The following NLRP1 variants were observed in gnomAD, a reference collection of about 807,000 sequenced individuals.
NLRP1 encodes NACHT, LRR and PYD domains-containing protein 1.
In NLRP1, 94 loss-of-function variants were observed where a neutral mutation model predicts 136.7. The observed-to-expected ratio is 0.69, with a 90% confidence interval of 0.58 to 0.82. The LOEUF (loss-of-function observed/expected upper bound fraction) is 0.82, where lower values mean the gene tolerates loss of function less well. Among genes scored for constraint, NLRP1 ranks in the 40% least tolerant of loss-of-function variants. NLRP1 has a pLI of 0.00. For synonymous variants in NLRP1, 690 were observed against 725.1 expected (o/e 0.95, Z 0.78); for missense variants, 1,575 against 1,802.7 (o/e 0.87, Z 2.29).
intron 12 of NLRP1, chr17:5,530,180 A>T (rs1910061534): frequency 6.1e-6 from 3 of 493,600 alleles, no homozygotes; most frequent in South Asian, 5.0e-5. Context: ...CAAAAATCTC[A>T]ACTGAGCATA....
chr17:5,556,621 C>T (rs1249509045), intron 4 of NLRP1, among the ~76,000 whole-genome samples: 1 of 142,762 alleles, frequency 7.0e-6, no homozygotes, highest in Middle Eastern at 3.3e-3. Flanking sequence ...TACAATTGAC[C>T]ACTAATTTTT....
At chr17:5,521,913 C>G in intron 12 of NLRP1, 127 bp from the exon 13 acceptor site, 1 of 923,334 alleles carries the variant, frequency 1.1e-6, no homozygotes, top group Non-Finnish European at 1.6e-6. Context: ...CAACCTCCGC[C>G]TCCTGGGTTC....
rs759983224 is a variant in NLRP1 at position 5,514,957 on chromosome 17, C to T, written c.4219G>A (p.Val1407Met). The change falls in exon 17 of 17, where the codon GTG becomes ATG. Residue 1407 changes from valine to methionine, a missense_variant. Coordinates refer to ENST00000572272, the MANE Select transcript of NLRP1 (RefSeq NM_033004.4). ...EVVLDKLHGQ[V>M]LSQEQYERVL... ...CTCTCGTACTGCTCCTGGCTCAGCA[C>T]CTGTCCATGCAGTTTGTCCAAGACA... The T allele has an allele frequency of 1.9e-6, 3 of 1,614,222 alleles. No individual in the cohort carries two copies. Among genetic ancestry groups the T allele is most frequent in the South Asian group, 1.1e-5 (1 of 91,090 alleles).
chr17:5,559,486 G>T lies in NLRP1; in HGVS notation c.1210C>A (p.Arg404=). The change falls in exon 4 of 17, where the codon CGG becomes AGG. Residue 404 remains arginine (R), a synonymous_variant. Coordinates refer to ENST00000572272, the MANE Select transcript of NLRP1 (RefSeq NM_033004.4). The stretch of plus-strand genomic sequence containing the variant: ...ACACCATCGAGGATGAAGAGCAGCC[G>T]CTCTGGCCTAGACAGGATCTGTCTA... ...PIRQILSRPE[R]LLFILDGVDE... The T allele has an allele frequency of 1.2e-6, 2 of 1,614,198 alleles. No homozygotes were observed. Among genetic ancestry groups the T allele is most frequent in the South Asian group, 1.1e-5 (1 of 91,088 alleles).
intron 5 of NLRP1, among the ~76,000 whole-genome samples, chr17:5,545,262 C>T (rs191178039): frequency 1.3e-5 from 2 of 152,110 alleles, no homozygotes; most frequent in East Asian, 3.9e-4. Context: ...GAGTCATGAT[C>T]ACACCACTGC....
In NLRP1 at chr17:5,507,751, A is replaced by T. The variant is rs530089635; in HGVS notation, c.4070-5879T>A. ...GAGGCTGAGGCAGGAGAATCGCTTG[A>T]ACTCGGGAGGCGGGGGTTGTAGTGA... On this transcript the variant is annotated intron_variant, in intron 15 of 15. Transcript: ENST00000262467. Among the ~76,000 whole-genome samples the T allele has an allele frequency of 2.6e-5, 4 of 152,156 alleles. No homozygotes were observed. The South Asian group carries it at 6.2e-4, about 24-fold the overall frequency.
At chr17:5,545,535 GAC>G (rs58646953) in intron 5 of NLRP1, among the ~76,000 whole-genome samples, 2 of 129,914 alleles carry the variant, frequency 1.5e-5, no homozygotes, top group Admixed American at 1.5e-4. Context: ...CACAGACACA[GAC>G]ACACACACAG....
chr17:5,558,533 G>A lies in NLRP1; in HGVS notation c.2163C>T (p.Cys721=). Residue 721 remains cysteine (C), a synonymous_variant, in exon 4 of 17, where the codon TGC becomes TGT. Coordinates refer to ENST00000572272, the MANE Select transcript of NLRP1 (RefSeq NM_033004.4). ...LQPHSLESLH[C]LYETRNKTFL... ...ACGTTTTGTTCCGAGTCTCGTACAA[G>A]CAGTGGAGGGACTCCAGAGAGTGTG... The A allele has an allele frequency of 6.2e-7, 1 of 1,614,076 alleles. No individual in the cohort carries two copies. Among genetic ancestry groups the A allele is most frequent in the Middle Eastern group, 1.6e-4 (1 of 6,062 alleles).
At chr17:5,531,173 AATCTATCTATCTATCTATCTATCTATCT>A (rs5819032) in intron 11 of NLRP1, among the ~76,000 whole-genome samples, 1 of 141,482 alleles carries the variant, frequency 7.1e-6, no homozygotes, top group African/African-American at 2.6e-5. Context: ...TAATCTATCT[AATCTATCTATCTATCTATCTATCTATCT>A]ATCTATCTAT....
chr17:5,568,848 G>A (rs1322515355), intron 3 of NLRP1, among the ~76,000 whole-genome samples: 1 of 152,084 alleles, frequency 6.6e-6, no homozygotes, highest in Admixed American at 6.6e-5. Flanking sequence ...GAATTATCTA[G>A]GTTACCAGGC....
rs774130453 is a variant in NLRP1, at chr17:5,558,493, T to A, written c.2203A>T (p.Met735Leu). 1 of 1,613,918 alleles carries A rather than the reference T, an allele frequency of 6.2e-7. No homozygotes were observed. Among genetic ancestry groups the A allele is most frequent in the South Asian group, 1.1e-5 (1 of 91,074 alleles). ...ATGCCCATTTCTTCGAAATGGGCCA[T>A]CACTTGTGTCAGGAACGTTTTGTTC... is the stretch of plus-strand genomic sequence containing the variant. Reference protein sequence around the residue: ...TRNKTFLTQVMAHFEEMGMCV... With the variant: ...TRNKTFLTQVLAHFEEMGMCV... The change falls in exon 4 of 17, where the codon ATG becomes TTG. Residue 735 changes from methionine to leucine, a missense_variant. By Grantham distance (15) the Met-to-Leu change is conservative. Coordinates refer to ENST00000572272, the MANE Select transcript of NLRP1 (RefSeq NM_033004.4).
intron 4 of NLRP1, among the ~76,000 whole-genome samples, 179 bp downstream of exon 4, chr17:5,558,160 A>T (rs1222595571): frequency 6.6e-6 from 1 of 152,140 alleles, no homozygotes; most frequent in Admixed American, 6.5e-5. Context: ...GGCACTGCAG[A>T]GGAGCTTAGG....
chr17:5,515,407 C>T (rs896239805), intron 16 of NLRP1, 66 bp downstream of exon 16: 1 of 1,330,804 alleles, frequency 7.5e-7, no homozygotes, highest in Non-Finnish European at 1.1e-6. Flanking sequence ...TCTTCCCTTC[C>T]CCCAGAACCA....
chr17:5,575,819 A>G (rs1028634417), intron 3 of NLRP1, among the ~76,000 whole-genome samples: 1 of 152,248 alleles, frequency 6.6e-6, no homozygotes, highest in Non-Finnish European at 1.5e-5. Context: ...AACAGAATAT[A>G]TATTCTTCTC....
rs1459558590 is a variant in NLRP1 at position 5,555,023 on chromosome 17, A to T, written c.2358-1467T>A. Reference sequence around the variant, plus strand: ...GAGACACAGTGAGATCCCATCACACACACACACACACACACACACACACAC... The same window carrying T: ...GAGACACAGTGAGATCCCATCACACTCACACACACACACACACACACACAC... On this transcript the variant is annotated intron_variant, in intron 4 of 16. Transcript: ENST00000572272. Among the ~76,000 whole-genome samples, 107 of 58,414 alleles carry T rather than the reference A, an allele frequency of 1.8e-3. 2 individuals are homozygous for T. The highest frequency in any genetic ancestry group is 7.1e-3 in the East Asian group (3 of 422). The allele number at this position is 58,414 out of a possible 152,430, so 38.3% of individuals were successfully genotyped here. A position where few individuals can be genotyped will look rare whatever the true frequency, so the allele number is the denominator to read the frequency against.
rs772763055 is a variant in NLRP1, at chr17:5,532,827, C to T, written c.3291G>A (p.Leu1097=). ...ATEVVDKEKN[L]YRVHFPVAGS... is the part of the protein sequence containing the mutation. Reference sequence around the variant, plus strand: ...AGCAGAGCCCCCTCACTCACCGGTACAAGTTCTTTTCTTTGTCAACTACCT... The same window carrying T: ...AGCAGAGCCCCCTCACTCACCGGTATAAGTTCTTTTCTTTGTCAACTACCT... Residue 1097 remains leucine, a synonymous_variant, in exon 11 of 17, where the codon TTG becomes TTA. Transcript: ENST00000572272. 1.2e-6 allele frequency: 2 copies of T among 1,601,894 alleles called. No individual in the cohort carries two copies. The highest frequency in any genetic ancestry group is 2.2e-5 in the South Asian group (2 of 89,728).
At position 5,515,234 on chromosome 17, in the gene NLRP1, T is replaced by C. The variant is rs199476219; in HGVS notation, c.4103-161A>G. ...CATCTAGCTTGGCATTCTGCCAGAG[T>C]GGGGATCGGGAGTGGGGTTCCTGCT... On this transcript the variant is annotated intron_variant, in intron 16 of 16. Coordinates refer to ENST00000572272, the MANE Select transcript of NLRP1 (RefSeq NM_033004.4). 2.6e-5 allele frequency among the ~76,000 whole-genome samples: 4 copies of C among 151,890 alleles called. No individual in the cohort carries two copies. The East Asian group carries it at 5.8e-4, about 22-fold the overall frequency.
intron 12 of NLRP1, 32 bp downstream of exon 12, chr17:5,530,449 C>A (rs1597408893): frequency 1.3e-6 from 2 of 1,584,956 alleles, no homozygotes; most frequent in East Asian, 4.5e-5. Context: ...TAATTACCAC[C>A]ACCTTCCTCC....
intron 3 of NLRP1, among the ~76,000 whole-genome samples, chr17:5,580,499 T>G (rs1303232515): frequency 6.6e-6 from 1 of 152,232 alleles, no homozygotes; most frequent in Non-Finnish European, 1.5e-5. Flanking sequence ...AAATGTTATT[T>G]CCCTTGCATT....
Sources: gnomAD v4.1 joint callset for allele counts (sites outside exome capture counted in the v4.1 genomes callset) on GRCh38, gnomAD v4.1.1 for gene constraint, MANE v1.5 for transcripts, NCBI Gene and HGNC (gene_info 2026-07-23, HGNC 2026-07-21) for gene names.